BRD4: variants seen among roughly 807,000 people sequenced by gnomAD.
BRD4 encodes bromodomain-containing protein 4.
A neutral mutation model predicts 142.1 loss-of-function variants in BRD4; 16 were observed. The observed-to-expected ratio is 0.11, with a 90% CI of 0.08 to 0.17. The LOEUF (loss-of-function observed/expected upper bound fraction) is 0.17, where lower values mean the gene tolerates loss of function less well. BRD4 is among the 10% of genes least tolerant of loss of function. BRD4 has a pLI of 1.00. For missense variants in BRD4, 1,424 were observed against 1,810.9 expected (o/e 0.79, Z 3.88); for synonymous variants, 833 against 707.5 (o/e 1.18, Z -2.82).
intron 1 of BRD4, among the ~76,000 whole-genome samples, chr19:15,277,983 G>C (rs1007890047): frequency 2.3e-4 from 35 of 151,694 alleles, no homozygotes; most frequent in African/African-American, 8.0e-4. Context: ...GCGGGCGCCT[G>C]TAGTCCCAGC....
intron 1 of BRD4, among the ~76,000 whole-genome samples, chr19:15,330,429 A>C (rs1050312351): frequency 3.3e-5 from 5 of 152,188 alleles, no homozygotes; most frequent in African/African-American, 1.2e-4. Context: ...AAAAGATAAA[A>C]AACATAATCC....
intron 1 of BRD4, among the ~76,000 whole-genome samples, chr19:15,300,242 C>G (rs912482713): frequency 6.6e-6 from 1 of 151,926 alleles, no homozygotes; most frequent in African/African-American, 2.4e-5. Context: ...AGACCCTGAT[C>G]CGATAAATAA....
rs201435987 is a variant in BRD4 at position 15,264,734 on chromosome 19, G to A, written c.882C>T (p.Thr294=). ...TKKGVKRKAD[T]TTPTTIDPIH... ...TGGGGTCAATGGTGGTGGGGGTGGT[G>A]GTGTCTGCTTTCCTCTTCACTCCCT... Residue 294 remains threonine, a synonymous_variant, in exon 6 of 20, where the codon ACC becomes ACT. Coordinates refer to ENST00000679869, the MANE Select transcript of BRD4 (RefSeq NM_001379291.1). 1 of 1,610,886 alleles carries A rather than the reference G, an allele frequency of 6.2e-7. No homozygotes were observed. Among genetic ancestry groups the A allele is most frequent in the Non-Finnish European group, 8.5e-7 (1 of 1,178,806 alleles).
At chr19:15,286,782 A>G (rs955789683) in intron 1 of BRD4, among the ~76,000 whole-genome samples, 20 of 152,234 alleles carry the variant, frequency 1.3e-4, no homozygotes, top group African/African-American at 4.6e-4. Context: ...ACTGAGCATC[A>G]GCTTTGAAAA....
intron 1 of BRD4, among the ~76,000 whole-genome samples, chr19:15,297,655 C>T (rs1432028164): frequency 6.6e-6 from 1 of 152,202 alleles, no homozygotes; most frequent in African/African-American, 2.4e-5. Context: ...TGCTTTTGGA[C>T]ATGCCTTTGC....
At chr19:15,245,635 G>T (rs1032020884) in intron 11 of BRD4, among the ~76,000 whole-genome samples, 3 of 152,158 alleles carry the variant, frequency 2.0e-5, no homozygotes, top group Admixed American at 6.5e-5. Context: ...TTACACTAAG[G>T]GACTTTTGCC....
At chr19:15,289,079 C>T (rs1221218562) in intron 1 of BRD4, among the ~76,000 whole-genome samples, 1 of 152,154 alleles carries the variant, frequency 6.6e-6, no homozygotes, top group Non-Finnish European at 1.5e-5. Flanking sequence ...CTCAAAATAC[C>T]TTTGTTTAGT....
intron 1 of BRD4, chr19:15,280,385 G>A: frequency 9.8e-7 from 1 of 1,016,960 alleles, no homozygotes; most frequent in Non-Finnish European, 1.2e-6. Flanking sequence ...TGCAGAAGCA[G>A]CTGGGTGCCA....
At chr19:15,243,736 A>G (rs2047259678) in intron 13 of BRD4, among the ~76,000 whole-genome samples, 1 of 152,082 alleles carries the variant, frequency 6.6e-6, no homozygotes, top group Non-Finnish European at 1.5e-5. Flanking sequence ...CCATGCTCAC[A>G]ATGGCCCTTC....
chr19:15,322,160 G>C (rs140976866), intron 1 of BRD4, among the ~76,000 whole-genome samples: 119 of 152,116 alleles, frequency 7.8e-4, no homozygotes, highest in African/African-American at 2.8e-3. Context: ...CAAAGCAAAG[G>C]TTTTATGAAA....
intron 1 of BRD4, among the ~76,000 whole-genome samples, chr19:15,301,269 T>C (rs902696026): frequency 4.9e-4 from 75 of 152,152 alleles, no homozygotes; most frequent in African/African-American, 1.8e-3. Flanking sequence ...AACAGATCAA[T>C]CGTTGCTGAG....
intron 1 of BRD4, among the ~76,000 whole-genome samples, chr19:15,323,912 T>C (rs2048086100): frequency 6.6e-6 from 1 of 152,172 alleles, no homozygotes; most frequent in African/African-American, 2.4e-5. Context: ...TTTATACAAT[T>C]AGACATGAGG....
intron 11 of BRD4, chr19:15,247,170 C>CT: frequency 4.3e-6 from 1 of 230,670 alleles, no homozygotes. Context: ...GATTAAAACA[C>CT]TGATTCCACC....
Position 15,235,973 on chromosome 19 carries a change from T to A in BRD4, c.*2404A>T, listed in dbSNP as rs138303923. On this transcript the variant is annotated 3_prime_UTR_variant, in exon 20 of 20. Transcript: ENST00000679869. ...ACAAAAATGAGTGGGTGGGATGAGATGGAAGAAACCCCAAAGAACCTAAAT... is the reference window on the plus strand; with the variant it reads ...ACAAAAATGAGTGGGTGGGATGAGAAGGAAGAAACCCCAAAGAACCTAAAT... 1 of 152,170 alleles carries A rather than the reference T, an allele frequency of 6.6e-6. No homozygotes were observed. The highest frequency in any genetic ancestry group is 1.5e-5 in the Non-Finnish European group (1 of 68,014). The allele number at this position is 152,170 out of a possible 1,614,324, so 9.4% of individuals were successfully genotyped here.
chr19:15,318,035 A>T (rs2048031048), intron 1 of BRD4, among the ~76,000 whole-genome samples: 1 of 152,206 alleles, frequency 6.6e-6, no homozygotes, highest in South Asian at 2.1e-4. Flanking sequence ...TTTAATGAAG[A>T]TTACAAATGA....
At chr19:15,240,481 G>A (rs1184995469) in intron 14 of BRD4, among the ~76,000 whole-genome samples, 1 of 152,196 alleles carries the variant, frequency 6.6e-6, no homozygotes, top group Non-Finnish European at 1.5e-5. Context: ...TGCAGGGGGT[G>A]CAAGACCCAG....
chr19:15,308,365 A>AGCAG (rs2047935978), intron 1 of BRD4, among the ~76,000 whole-genome samples: 1 of 148,124 alleles, frequency 6.8e-6, no homozygotes, highest in South Asian at 2.2e-4. Context: ...CAGGCGGGTG[A>AGCAG]ATTACGATGT....
At chr19:15,264,071 C>T (rs922902737) in intron 6 of BRD4, 3 of 282,970 alleles carry the variant, frequency 1.1e-5, no homozygotes, top group South Asian at 2.1e-4. Context: ...CTGGCAAGGC[C>T]GCCAAGCCCC....
At chr19:15,267,629 C>G (rs1239906112) in intron 3 of BRD4, 78 bp from the exon 4 acceptor site, 1 of 1,513,862 alleles carries the variant, frequency 6.6e-7, no homozygotes, top group Non-Finnish European at 8.9e-7. Context: ...CCATGCCACC[C>G]ACCCCCTGCC....
Sources: gnomAD v4.1 joint callset for allele counts (sites outside exome capture counted in the v4.1 genomes callset) on GRCh38, gnomAD v4.1.1 for gene constraint, MANE v1.5 for transcripts, NCBI Gene and HGNC (gene_info 2026-07-23, HGNC 2026-07-21) for gene names.